Variants in LRIG1 observed in about 807,000 individuals in gnomAD.
The protein encoded by LRIG1 is leucine-rich repeats and immunoglobulin-like domains protein 1.
Under a neutral mutation model 99.2 loss-of-function variants are expected in LRIG1, and 48 were observed. That is an observed-to-expected ratio of 0.48 (90% CI 0.38 to 0.62). The LOEUF is 0.62. Ranked by LOEUF, LRIG1 falls within the 20% of genes least tolerant of loss-of-function variation. The pLI, the probability that LRIG1 is intolerant of heterozygous loss-of-function variation, is 0.00. For missense variants in LRIG1, 1,646 were observed against 1,434.4 expected, an observed-to-expected ratio of 1.15 and a Z score of -2.38; for synonymous variants, 772 against 596.1, an observed-to-expected ratio of 1.29 and a Z score of -4.30.
chr3:66,395,302 A>G (rs1355633010), intron 11 of LRIG1, among the ~76,000 whole-genome samples: 2 of 152,098 alleles, frequency 1.3e-5, no homozygotes, highest in East Asian at 1.9e-4. Flanking sequence ...TCCACCCACC[A>G]CTGTCCTCAG....
chr3:66,446,783 TTTA>T (rs915469283), intron 3 of LRIG1, among the ~76,000 whole-genome samples: 1 of 152,060 alleles, frequency 6.6e-6, no homozygotes, highest in Non-Finnish European at 1.5e-5. Context: ...CCTCAGATAT[TTTA>T]TTAAGTTATT....
intron 9 of LRIG1, among the ~76,000 whole-genome samples, chr3:66,403,111 C>T (rs755576523): frequency 6.6e-5 from 10 of 152,070 alleles, no homozygotes; most frequent in African/African-American, 2.2e-4. Context: ...CCCAAGTGCC[C>T]GTGACACAGT....
At position 66,492,866 on chromosome 3, in the gene LRIG1, T is replaced by C. The variant is rs143968384; in HGVS notation, c.218+7324A>G. Among the ~76,000 whole-genome samples the C allele has an allele frequency of 1.7e-3, 260 of 152,274 alleles. 3 individuals carry two copies. In the East Asian group the frequency reaches 0.026, roughly 15 times the overall value. ...TTCACGTGGGCAAGGCTGTGAATCA[T>C]GGCCATTCACTGGGGAAGGAACTCA... On this transcript the variant is annotated intron_variant, in intron 1 of 18. Transcript: ENST00000273261.
At chr3:66,476,161 G>C (rs1261564195) in intron 1 of LRIG1, among the ~76,000 whole-genome samples, 1 of 152,176 alleles carries the variant, frequency 6.6e-6, no homozygotes, top group Non-Finnish European at 1.5e-5. Context: ...CCCATGGCAA[G>C]CATGTTTTCC....
At chr3:66,454,145 G>A (rs1422403428) in intron 2 of LRIG1, among the ~76,000 whole-genome samples, 1 of 152,196 alleles carries the variant, frequency 6.6e-6, no homozygotes, top group Non-Finnish European at 1.5e-5. Context: ...CCCCAGGAGA[G>A]GCCCTGCACA....
At position 66,412,955 on chromosome 3, in the gene LRIG1, C is replaced by T; in HGVS notation, c.707G>A (p.Ser236Asn). The T allele has an allele frequency of 6.2e-7, 1 of 1,614,236 alleles. No homozygotes were observed. Among genetic ancestry groups the T allele is most frequent in the Non-Finnish European group, 8.5e-7 (1 of 1,180,046 alleles). The change falls in exon 6 of 19, where the codon AGC (serine) becomes AAC (asparagine). Residue 236 changes from serine to asparagine, a missense_variant. Coordinates refer to ENST00000273261, the MANE Select transcript of LRIG1 (RefSeq NM_015541.3). ...IEGLTFQGLN[S>N]LEVLKLQRNN... ...TCGCTGAAGCTTCAGCACCTCCAAG[C>T]TGTTGAGCCCCTGGAAGGTGAGGCC... is the stretch of plus-strand genomic sequence containing the variant.
chr3:66,404,292 C>T (rs1385672992), intron 9 of LRIG1: 2 of 1,289,408 alleles, frequency 1.6e-6, no homozygotes, highest in Non-Finnish European at 2.0e-6. Flanking sequence ...TTACTTGACA[C>T]TCGCACTCTG....
intron 1 of LRIG1, among the ~76,000 whole-genome samples, chr3:66,481,365 T>C (rs1012666718): frequency 6.6e-6 from 1 of 152,244 alleles, no homozygotes; most frequent in African/African-American, 2.4e-5. Flanking sequence ...CTTGGCCTGG[T>C]TGTTCATTAA....
chr3:66,379,568 A>G lies in LRIG1; in HGVS notation c.*695T>C, dbSNP rs1700908638. The G allele has an allele frequency of 6.6e-6, 1 of 151,354 alleles. No homozygotes were observed. The highest frequency in any genetic ancestry group is 2.4e-5 in the African/African-American group (1 of 41,326). The allele number at this position is 151,354 out of a possible 1,614,324, so 9.4% of individuals were successfully genotyped here. A position where few individuals can be genotyped will look rare whatever the true frequency, so the allele number is the denominator to read the frequency against. On this transcript the variant is annotated 3_prime_UTR_variant, in exon 19 of 19. Transcript: ENST00000273261. ...TGCTTGTGATGGATTAACAACCCTC[A>G]TTCTACGCCTTACAGACGGACAGAT...
At chr3:66,393,039 T>A (rs927752082) in intron 12 of LRIG1, among the ~76,000 whole-genome samples, 8 of 151,998 alleles carry the variant, frequency 5.3e-5, no homozygotes, top group African/African-American at 1.9e-4. Context: ...TTCTCAAAAG[T>A]GGTGATGGTG....
At chr3:66,481,288 T>C (rs1700845296) in intron 1 of LRIG1, among the ~76,000 whole-genome samples, 1 of 152,220 alleles carries the variant, frequency 6.6e-6, no homozygotes, top group African/African-American at 2.4e-5. Flanking sequence ...CATTCACACT[T>C]TCAGAGTGCA....
chr3:66,447,723 A>G (rs902275910), intron 3 of LRIG1, among the ~76,000 whole-genome samples: 10 of 152,224 alleles, frequency 6.6e-5, no homozygotes, highest in Admixed American at 5.9e-4. Context: ...TTTTACTCCC[A>G]GGACTGAAAA....
chr3:66,499,505 A>G (rs1180473143), intron 1 of LRIG1, among the ~76,000 whole-genome samples: 1 of 152,160 alleles, frequency 6.6e-6, no homozygotes, highest in Non-Finnish European at 1.5e-5. Context: ...AATGCCAAAC[A>G]GGCGTAAAAG....
At position 66,385,068 on chromosome 3, in the gene LRIG1, T is replaced by TAACTA. The variant is rs1452165860; in HGVS notation, c.1790-801_1790-797dup. 2.6e-5 allele frequency among the ~76,000 whole-genome samples: 4 copies of TAACTA among 152,334 alleles called. No individual in the cohort carries two copies. The East Asian group carries it at 7.7e-4, about 29-fold the overall frequency. ...TGATGATTCTCAAGCCAATTCTTTT[T>TAACTA]AACTAGAGAGTTAGTAATCAGGATA... On this transcript the variant is annotated intron_variant, in intron 13 of 18. Coordinates refer to ENST00000273261, the MANE Select transcript of LRIG1 (RefSeq NM_015541.3).
intron 3 of LRIG1, among the ~76,000 whole-genome samples, chr3:66,438,716 G>A (rs1052532128): frequency 2.6e-5 from 4 of 152,178 alleles, no homozygotes; most frequent in Non-Finnish European, 5.9e-5. Context: ...CTGCAGCAGA[G>A]ATACCACTGC....
intron 1 of LRIG1, among the ~76,000 whole-genome samples, chr3:66,466,363 G>A (rs889926143): frequency 6.6e-6 from 1 of 152,114 alleles, no homozygotes; most frequent in African/African-American, 2.4e-5. Flanking sequence ...TCTTTTTAAG[G>A]CTAACTAATA....
intron 11 of LRIG1, among the ~76,000 whole-genome samples, chr3:66,396,339 T>C (rs1196673148): frequency 6.6e-6 from 1 of 152,228 alleles, no homozygotes; most frequent in Non-Finnish European, 1.5e-5. Flanking sequence ...CGCCATCGGC[T>C]CTACTGCCTT....
At chr3:66,459,183 T>A (rs1283274389) in intron 2 of LRIG1, among the ~76,000 whole-genome samples, 1 of 152,080 alleles carries the variant, frequency 6.6e-6, no homozygotes, top group Non-Finnish European at 1.5e-5. Flanking sequence ...GAAGGAAAGG[T>A]GGGAGTGCTC....
intron 1 of LRIG1, among the ~76,000 whole-genome samples, chr3:66,496,453 C>CA (rs1414754666): frequency 4.6e-5 from 7 of 152,132 alleles, no homozygotes; most frequent in Admixed American, 3.9e-4. Flanking sequence ...AAAAAGTTGT[C>CA]AGAGAGCTAT....
Sources: gnomAD v4.1 joint callset for allele counts (sites outside exome capture counted in the v4.1 genomes callset) on GRCh38, gnomAD v4.1.1 for gene constraint, MANE v1.5 for transcripts, NCBI Gene and HGNC (gene_info 2026-07-23, HGNC 2026-07-21) for gene names.